ROBO2: variants seen among roughly 807,000 people sequenced by gnomAD.
ROBO2 encodes roundabout guidance receptor 2.
Under a neutral mutation model 160.8 loss-of-function variants are expected in ROBO2, and 53 were observed. That is an observed-to-expected ratio of 0.33 (90% CI 0.26 to 0.41). The LOEUF (loss-of-function observed/expected upper bound fraction) is 0.41. Ranked by LOEUF, ROBO2 falls within the 10% of genes least tolerant of loss-of-function variation. The pLI is 1.00. For synonymous variants in ROBO2, 664 were observed against 611.7 expected, an observed-to-expected ratio of 1.09 and a Z score of -1.26; for missense variants, 1,577 against 1,722.4, an observed-to-expected ratio of 0.92 and a Z score of 1.49.
chr3:76,547,908 A>G (rs1011345429), intron 2 of ROBO2, among the ~76,000 whole-genome samples: 2 of 152,136 alleles, frequency 1.3e-5, no homozygotes, highest in African/African-American at 4.8e-5. Context: ...TAAGAACTGC[A>G]CATCTTCTGT....
chr3:77,214,500 TACAGCAC>T (rs1396822846), intron 2 of ROBO2, among the ~76,000 whole-genome samples: 3 of 152,210 alleles, frequency 2.0e-5, no homozygotes, highest in African/African-American at 7.2e-5. Flanking sequence ...GTTTCCTGAA[TACAGCAC>T]ACTGATGGGT....
At chr3:77,635,719 C>T (rs2095252768) in intron 24 of ROBO2, among the ~76,000 whole-genome samples, 1 of 152,264 alleles carries the variant, frequency 6.6e-6, no homozygotes, top group East Asian at 1.9e-4. Context: ...CAGATTTTTA[C>T]CCCAGATCAA....
At chr3:77,644,832 C>T (rs554936963) in exon 25 of ROBO2, 51 of 1,614,066 alleles carry the variant, frequency 3.2e-5, no homozygotes, top group Middle Eastern at 1.6e-4. Flanking sequence ...AGGCCACCAG[C>T]GCAATGCCAG....
At chr3:77,458,950 T>C (rs940509564) in intron 2 of ROBO2, among the ~76,000 whole-genome samples, 1 of 152,184 alleles carries the variant, frequency 6.6e-6, no homozygotes, top group African/African-American at 2.4e-5. Context: ...CTTCTGTCTT[T>C]TCATTTATAA....
intron 2 of ROBO2, among the ~76,000 whole-genome samples, chr3:76,989,699 A>G (rs375890345): frequency 2.8e-4 from 42 of 152,160 alleles, no homozygotes; most frequent in African/African-American, 3.1e-4. Context: ...TTACATTTCC[A>G]TATTTCAGTA....
intron 2 of ROBO2, among the ~76,000 whole-genome samples, chr3:77,406,200 C>A (rs2076238585): frequency 6.6e-6 from 1 of 152,162 alleles, no homozygotes; most frequent in African/African-American, 2.4e-5. Flanking sequence ...AGCATCAGCT[C>A]TCCTGAGAAC....
rs1166858558 is a variant in ROBO2 at position 76,305,387 on chromosome 3, CAAAAAAAAAAAAAAAAAAAA to C, written c.109+367803_109+367822del. ...GCCTGGGTGACAGAGCAAGATCTGT[CAAAAAAAAAAAAAAAAAAAA>C]AAAAAAAAAAAAAAAAAGAACAGCA... On this transcript the variant is annotated intron_variant, in intron 2 of 26. Coordinates refer to the ROBO2 transcript ENST00000487694. Among the ~76,000 whole-genome samples, 63 of 20,686 alleles carry C rather than the reference CAAAAAAAAAAAAAAAAAAAA, an allele frequency of 3.0e-3. 1 individual carries two copies. The highest frequency in any genetic ancestry group is 0.014 in the African/African-American group (57 of 4,086). 13.6% of individuals were successfully genotyped at this position (20,686 alleles called of 152,430 possible).
exon 26 of ROBO2, chr3:77,646,122 C>G: frequency 5.6e-6 from 7 of 1,240,324 alleles, no homozygotes; most frequent in Non-Finnish European, 8.1e-6. Flanking sequence ...GAAGTGATGA[C>G]TCTAAACAGT....
Position 77,383,758 on chromosome 3 carries a change from A to G in ROBO2, c.389-93656A>G, listed in dbSNP as rs538360290. ...TTGAGAAACTTAAGATTTAATTAAC[A>G]TTTTTCCTTTCCCTCTGCTTCATCC... is the stretch of plus-strand genomic sequence containing the variant. On this transcript the variant is annotated intron_variant, in intron 2 of 25. Transcript: ENST00000461745. Among the ~76,000 whole-genome samples the G allele has an allele frequency of 2.0e-5, 3 of 149,862 alleles. No individual in the cohort carries two copies. The South Asian group carries it at 6.4e-4, about 32-fold the overall frequency.
intron 2 of ROBO2, among the ~76,000 whole-genome samples, chr3:76,045,733 G>T (rs2067425873): frequency 6.6e-6 from 1 of 151,872 alleles, no homozygotes; most frequent in East Asian, 1.9e-4. Context: ...TTTGCCACAG[G>T]TTTATTTTGG....
At chr3:77,455,714 G>A (rs1245687491) in intron 2 of ROBO2, among the ~76,000 whole-genome samples, 1 of 149,304 alleles carries the variant, frequency 6.7e-6, no homozygotes, top group Non-Finnish European at 1.5e-5. Context: ...ACAGGCGTGA[G>A]CCACCGCGCC....
chr3:76,285,180 A>AAGT (rs1349115613), intron 2 of ROBO2, among the ~76,000 whole-genome samples: 1 of 152,158 alleles, frequency 6.6e-6, no homozygotes, highest in Non-Finnish European at 1.5e-5. Context: ...TAAAAAGTTC[A>AAGT]AGTAGTCATT....
chr3:77,626,341 T>C (rs536615787), intron 23 of ROBO2, among the ~76,000 whole-genome samples: 3 of 152,238 alleles, frequency 2.0e-5, no homozygotes, highest in Non-Finnish European at 4.4e-5. Context: ...TGACCCATGC[T>C]AACAAAATTC....
At chr3:76,969,136 G>T (rs557892492) in intron 2 of ROBO2, among the ~76,000 whole-genome samples, 58 of 152,238 alleles carry the variant, frequency 3.8e-4, no homozygotes, top group African/African-American at 1.3e-3. Context: ...AAGGAGCTTT[G>T]ACAACAAGTG....
chr3:77,276,761 G>GA (rs1367726910), intron 2 of ROBO2, among the ~76,000 whole-genome samples: 1 of 152,114 alleles, frequency 6.6e-6, no homozygotes, highest in Non-Finnish European at 1.5e-5. Context: ...ATGTATAAAG[G>GA]AAAGAGGTTT....
At chr3:75,925,588 A>G (rs1035550885) in intron 1 of ROBO2, among the ~76,000 whole-genome samples, 1 of 152,180 alleles carries the variant, frequency 6.6e-6, no homozygotes, top group Non-Finnish European at 1.5e-5. Context: ...ATTTGGTCCA[A>G]TACTTCCAGG....
intron 2 of ROBO2, among the ~76,000 whole-genome samples, chr3:76,575,090 C>T (rs1335621534): frequency 4.0e-5 from 6 of 151,898 alleles, no homozygotes; most frequent in African/African-American, 1.5e-4. Flanking sequence ...GGAAAACATC[C>T]AAAAAAATTA....
At chr3:77,070,462 T>C (rs886250061) in intron 1 of ROBO2, among the ~76,000 whole-genome samples, 1 of 152,198 alleles carries the variant, frequency 6.6e-6, no homozygotes, top group East Asian at 1.9e-4. Context: ...TCATTGAACT[T>C]AGAACCCACC....
intron 2 of ROBO2, among the ~76,000 whole-genome samples, chr3:77,009,125 G>C (rs2061734039): frequency 6.6e-6 from 1 of 152,162 alleles, no homozygotes; most frequent in Non-Finnish European, 1.5e-5. Context: ...GAGATAATCT[G>C]TTTGAAGGAT....
Sources: allele counts gnomAD v4.1 joint callset (sites outside exome capture counted in the v4.1 genomes callset), GRCh38; gene constraint gnomAD v4.1.1; transcripts MANE v1.5; gene names NCBI Gene and HGNC (gene_info 2026-07-23, HGNC 2026-07-21).